Variants in FHIT observed in about 807,000 individuals in gnomAD.
FHIT encodes bis(5'-adenosyl)-triphosphatase.
Under a neutral mutation model 17.9 loss-of-function variants are expected in FHIT, and 19 were observed. The observed-to-expected ratio is 1.06, with a 90% CI of 0.74 to 1.56. The LOEUF (loss-of-function observed/expected upper bound fraction) is 1.56. Ranked by LOEUF, FHIT falls within the 40% of genes most tolerant of loss-of-function variation. FHIT has a pLI of 0.00. For missense variants in FHIT, 248 were observed against 189.2 expected (o/e 1.31, Z -1.82); for synonymous variants, 81 against 69.7 (o/e 1.16, Z -0.81).
At chr3:60,694,807 G>A (rs2107893964) in intron 4 of FHIT, among the ~76,000 whole-genome samples, 1 of 152,088 alleles carries the variant, frequency 6.6e-6, no homozygotes, top group East Asian at 1.9e-4. Flanking sequence ...AGCAAACTAT[G>A]GCAAGGACAA....
chr3:60,698,543 T>C (rs6446150), intron 4 of FHIT, among the ~76,000 whole-genome samples: 16,770 of 152,146 alleles, frequency 0.11, 1,988 homozygotes, highest in African/African-American at 0.3. Context: ...AAACTACCTA[T>C]GGCTGGGGAG....
chr3:60,738,406 G>A lies in FHIT; in HGVS notation c.-18+83513C>T, dbSNP rs568345057. Among the ~76,000 whole-genome samples, 53 of 152,306 alleles carry A rather than the reference G, an allele frequency of 3.5e-4. No individual in the cohort carries two copies. The South Asian group carries it at 0.011, about 32-fold the overall frequency. ...TCAGCAGAATGAGCAAGAGCTCAGA[G>A]AGTCCAAGCCGAGGGACTTTCTGCA... On this transcript the variant is annotated intron_variant, in intron 4 of 9. Coordinates refer to ENST00000492590, the MANE Select transcript of FHIT (RefSeq NM_002012.4).
intron 3 of FHIT, among the ~76,000 whole-genome samples, chr3:60,957,908 A>C (rs1347824813): frequency 6.6e-6 from 1 of 152,264 alleles, no homozygotes; most frequent in East Asian, 1.9e-4. Flanking sequence ...TGTTCTTAAC[A>C]CCTGTTTGTT....
chr3:60,039,322 T>C (rs1204971195), intron 5 of FHIT, among the ~76,000 whole-genome samples: 2 of 152,238 alleles, frequency 1.3e-5, no homozygotes, highest in Non-Finnish European at 2.9e-5. Flanking sequence ...GCTCCACTTT[T>C]ATCTGTTTCA....
At chr3:60,007,451 T>C (rs1035820323) in intron 7 of FHIT, among the ~76,000 whole-genome samples, 29 of 152,306 alleles carry the variant, frequency 1.9e-4, no homozygotes, top group African/African-American at 2.9e-4. Context: ...TAGAAACTTA[T>C]GAGATTCGTT....
chr3:60,609,735 A>T (rs2038724243), intron 4 of FHIT, among the ~76,000 whole-genome samples: 1 of 152,098 alleles, frequency 6.6e-6, no homozygotes, highest in Non-Finnish European at 1.5e-5. Context: ...ACCCTTCTTC[A>T]TGATGTCTTT....
chr3:60,351,883 T>A (rs1699416656), intron 5 of FHIT, among the ~76,000 whole-genome samples: 1 of 152,188 alleles, frequency 6.6e-6, no homozygotes, highest in South Asian at 2.1e-4. Flanking sequence ...CTAACCCCTG[T>A]GCCCTCTAAA....
At chr3:60,288,568 T>A (rs1431128261) in intron 5 of FHIT, among the ~76,000 whole-genome samples, 2 of 49,226 alleles carry the variant, frequency 4.1e-5, no homozygotes, top group African/African-American at 3.1e-4. Context: ...TCTGGCACAG[T>A]GTGTGTGTGT....
At chr3:60,067,779 T>A (rs1702583504) in intron 5 of FHIT, among the ~76,000 whole-genome samples, 3 of 152,214 alleles carry the variant, frequency 2.0e-5, no homozygotes, top group African/African-American at 7.2e-5. Context: ...GAGAGCTTGT[T>A]AACTAGATGA....
At chr3:59,797,156 TAA>T (rs1699809460) in intron 8 of FHIT, among the ~76,000 whole-genome samples, 1 of 152,000 alleles carries the variant, frequency 6.6e-6, no homozygotes, top group South Asian at 2.1e-4. Flanking sequence ...TTTAATATTA[TAA>T]GTCACCACAA....
intron 2 of FHIT, among the ~76,000 whole-genome samples, chr3:61,138,156 T>C (rs1241369468): frequency 2.0e-5 from 3 of 152,218 alleles, no homozygotes; most frequent in Non-Finnish European, 2.9e-5. Context: ...GGCTTCCCAC[T>C]GCTCCCAAGT....
intron 3 of FHIT, among the ~76,000 whole-genome samples, chr3:60,934,951 T>C (rs1708125734): frequency 1.3e-5 from 2 of 152,324 alleles, no homozygotes; most frequent in South Asian, 4.1e-4. Context: ...TCCATTTTCA[T>C]GGAGAATGCT....
chr3:60,732,154 T>A (rs1156316517), intron 4 of FHIT: 4 of 779,366 alleles, frequency 5.1e-6, no homozygotes, highest in Non-Finnish European at 8.7e-6. Context: ...TTAGTAGAGC[T>A]GTCCACAGTC....
chr3:60,602,118 T>C (rs2038463273), intron 4 of FHIT, among the ~76,000 whole-genome samples: 1 of 151,932 alleles, frequency 6.6e-6, no homozygotes, highest in South Asian at 2.1e-4. Context: ...AAAAGAAAAA[T>C]TCTCAGTTTT....
intron 3 of FHIT, among the ~76,000 whole-genome samples, chr3:60,903,521 C>T (rs1553763769): frequency 6.6e-6 from 1 of 152,182 alleles, no homozygotes; most frequent in Non-Finnish European, 1.5e-5. Flanking sequence ...ATGAAGCAAA[C>T]ACTTTGGAAA....
chr3:60,588,978 A>C (rs2037993951), intron 4 of FHIT, among the ~76,000 whole-genome samples: 1 of 152,030 alleles, frequency 6.6e-6, no homozygotes, highest in Admixed American at 6.6e-5. Context: ...CAATGACTGC[A>C]TGAGTCCAGG....
intron 2 of FHIT, among the ~76,000 whole-genome samples, chr3:61,179,821 T>C (rs925572655): frequency 2.0e-5 from 3 of 148,422 alleles, no homozygotes; most frequent in African/African-American, 7.5e-5. Flanking sequence ...GAAGCAAGCA[T>C]GGTAGTGAGT....
intron 5 of FHIT, among the ~76,000 whole-genome samples, chr3:60,090,880 C>G (rs751057097): frequency 6.6e-6 from 1 of 152,038 alleles, no homozygotes; most frequent in Non-Finnish European, 1.5e-5. Context: ...GGGTAAGGTC[C>G]GCAAGGTGGA....
At chr3:60,770,814 C>T (rs1700019386) in intron 4 of FHIT, among the ~76,000 whole-genome samples, 2 of 152,224 alleles carry the variant, frequency 1.3e-5, no homozygotes, top group Admixed American at 6.5e-5. Flanking sequence ...AAGCTTATTT[C>T]TCTGGGTCTA....
Sources: gnomAD v4.1 joint callset for allele counts (sites outside exome capture counted in the v4.1 genomes callset) on GRCh38, gnomAD v4.1.1 for gene constraint, MANE v1.5 for transcripts, NCBI Gene and HGNC (gene_info 2026-07-23, HGNC 2026-07-21) for gene names.